Variants in CCDC85A observed in about 807,000 individuals in gnomAD.
The protein encoded by CCDC85A is coiled-coil domain containing 85A.
Under a neutral mutation model 50.2 loss-of-function variants are expected in CCDC85A, and 38 were observed. The ratio of observed to expected loss-of-function variants is 0.76; its 90% confidence interval spans 0.58 to 0.99. CCDC85A has a LOEUF of 0.99. CCDC85A is among the 50% of genes least tolerant of loss of function. The probability of loss-of-function intolerance (pLI) is 0.00; values close to 1 mark genes in which losing one functional copy is unlikely to be tolerated. For missense variants in CCDC85A, 820 were observed against 742.0 expected (o/e 1.11, Z -1.22); for synonymous variants, 366 against 301.4 (o/e 1.21, Z -2.22).
Position 56,199,795 on chromosome 2 carries a change from A to C in CCDC85A, c.1240+6355A>C, listed in dbSNP as rs143141219. On this transcript the variant is annotated intron_variant, in intron 2 of 5. Transcript: ENST00000407595. Reference sequence around the variant, plus strand: ...AATAACCATGAGGTGTCCTTCTAAGAGTAAACTGCATGAGCTTCAGTGCAT... The same window carrying C: ...AATAACCATGAGGTGTCCTTCTAAGCGTAAACTGCATGAGCTTCAGTGCAT... Among the ~76,000 whole-genome samples, 9 of 152,368 alleles carry C rather than the reference A, an allele frequency of 5.9e-5. No individual in the cohort carries two copies. The East Asian group carries it at 1.7e-3, about 29-fold the overall frequency.
At chr2:56,306,738 A>G (rs781378123) in intron 2 of CCDC85A, among the ~76,000 whole-genome samples, 2 of 152,172 alleles carry the variant, frequency 1.3e-5, no homozygotes, top group Non-Finnish European at 2.9e-5. Flanking sequence ...TGGCTGGGCA[A>G]TAGCTGTTTG....
At chr2:56,270,759 G>A in intron 2 of CCDC85A, among the ~76,000 whole-genome samples, 1 of 152,202 alleles carries the variant, frequency 6.6e-6, no homozygotes, top group East Asian at 1.9e-4. Context: ...CCAGAAATCA[G>A]CAATAAAGAC....
chr2:56,189,698 G>A (rs901211409), intron 1 of CCDC85A, among the ~76,000 whole-genome samples: 6 of 152,132 alleles, frequency 3.9e-5, no homozygotes, highest in African/African-American at 1.4e-4. Context: ...TCCAGGTACT[G>A]AGCATAGTAT....
chr2:56,383,580 C>G (rs1676691993), intron 5 of CCDC85A: 2 of 984,854 alleles, frequency 2.0e-6, no homozygotes, highest in Non-Finnish European at 2.4e-6. Context: ...TGAATTTATT[C>G]TTATCATCTG....
At chr2:56,243,349 G>A (rs148074809) in intron 2 of CCDC85A, among the ~76,000 whole-genome samples, 3 of 151,688 alleles carry the variant, frequency 2.0e-5, no homozygotes, top group African/African-American at 4.8e-5. Context: ...TCTCTTCCGT[G>A]TGTTTTCAAA....
intron 2 of CCDC85A, among the ~76,000 whole-genome samples, chr2:56,311,573 T>TC (rs1672693531): frequency 6.6e-6 from 1 of 151,998 alleles, no homozygotes; most frequent in African/African-American, 2.4e-5. Flanking sequence ...ACCCATTAAC[T>TC]CATCATTTAG....
rs1676115743 is a variant in CCDC85A, at chr2:56,372,345, C to CGGGA, written c.1319_1320insGGGA (p.Ser441GlyfsTer5). The stretch of plus-strand genomic sequence containing the variant: ...GTACCATATTGTTCCAAATATAAGG[C>CGGGA]CAGCCAGAATAGAAGGCAACCTCCA... On this transcript the variant is annotated frameshift_variant and splice_region_variant, in exon 4 of 6. Coordinates refer to ENST00000407595, the MANE Select transcript of CCDC85A (RefSeq NM_001080433.2). LOFTEE classifies it high-confidence loss of function. 6.4e-7 allele frequency: 1 copy of CGGGA among 1,570,752 alleles called. No homozygotes were observed. The highest frequency in any genetic ancestry group is 8.6e-7 in the Non-Finnish European group (1 of 1,157,650).
chr2:56,299,842 C>G (rs1359320903), intron 2 of CCDC85A, among the ~76,000 whole-genome samples: 1 of 152,168 alleles, frequency 6.6e-6, no homozygotes, highest in Non-Finnish European at 1.5e-5. Flanking sequence ...CCCCTCCATT[C>G]ATTTCTTTTT....
chr2:56,323,140 G>A lies in CCDC85A; in HGVS notation c.1241-19739G>A, dbSNP rs183213318. Among the ~76,000 whole-genome samples the A allele has an allele frequency of 1.6e-4, 25 of 152,222 alleles. No homozygotes were observed. The East Asian group carries it at 3.7e-3, about 22-fold the overall frequency. The stretch of plus-strand genomic sequence containing the variant: ...TGGGGAACATCACACACCAGGGCCT[G>A]TTGTGGGGTGGGTGAAGCGGGGAGG... On this transcript the variant is annotated intron_variant, in intron 2 of 5. Coordinates refer to ENST00000407595, the MANE Select transcript of CCDC85A (RefSeq NM_001080433.2).
chr2:56,368,105 G>A lies in CCDC85A; in HGVS notation c.1318-4239G>A, dbSNP rs934309196. 2.0e-5 allele frequency among the ~76,000 whole-genome samples: 3 copies of A among 152,172 alleles called. No homozygotes were observed. The East Asian group carries it at 5.8e-4, about 29-fold the overall frequency. On this transcript the variant is annotated intron_variant, in intron 3 of 5. Transcript: ENST00000407595. ...AATAGGTATCTATATGGCATTGCAT[G>A]CAATATCACGTCTGATAGTTACTAA... is the stretch of plus-strand genomic sequence containing the variant.
chr2:56,341,144 G>A (rs1214810162), intron 2 of CCDC85A, among the ~76,000 whole-genome samples: 7 of 152,124 alleles, frequency 4.6e-5, no homozygotes, highest in African/African-American at 1.4e-4. Flanking sequence ...ATGTATGCAC[G>A]CTCACTTGAG....
At chr2:56,348,117 T>A (rs1674720429) in intron 3 of CCDC85A, among the ~76,000 whole-genome samples, 1 of 152,230 alleles carries the variant, frequency 6.6e-6, no homozygotes, top group African/African-American at 2.4e-5. Flanking sequence ...ACTAGAGACA[T>A]GAACAAGCAG....
intron 5 of CCDC85A, among the ~76,000 whole-genome samples, chr2:56,376,353 A>C (rs1456894952): frequency 1.3e-5 from 2 of 152,202 alleles, no homozygotes; most frequent in Non-Finnish European, 2.9e-5. Context: ...ATTGAAGTAC[A>C]TTATGCAACT....
At chr2:56,317,863 T>C (rs1357318675) in intron 2 of CCDC85A, among the ~76,000 whole-genome samples, 1 of 152,026 alleles carries the variant, frequency 6.6e-6, no homozygotes, top group African/African-American at 2.4e-5. Flanking sequence ...ATGTATGAAG[T>C]TGGGGGATTA....
At chr2:56,303,220 T>C (rs1206660674) in intron 2 of CCDC85A, among the ~76,000 whole-genome samples, 1 of 152,198 alleles carries the variant, frequency 6.6e-6, no homozygotes, top group Admixed American at 6.6e-5. Context: ...CCTGGGGTTA[T>C]GTCTCTTTCC....
At chr2:56,234,728 T>C (rs182578813) in intron 2 of CCDC85A, among the ~76,000 whole-genome samples, 19 of 152,244 alleles carry the variant, frequency 1.2e-4, no homozygotes, top group African/African-American at 4.6e-4. Context: ...ATATTCAGAA[T>C]CGATTTAGTT....
intron 2 of CCDC85A, among the ~76,000 whole-genome samples, chr2:56,221,306 G>A (rs566563207): frequency 1.1e-3 from 161 of 151,820 alleles, no homozygotes; most frequent in Non-Finnish European, 2.0e-3. Context: ...TAGTAGATGT[G>A]CACTTAACCA....
chr2:56,266,724 A>G (rs1022815569), intron 2 of CCDC85A, among the ~76,000 whole-genome samples: 2 of 151,766 alleles, frequency 1.3e-5, no homozygotes, highest in African/African-American at 2.4e-5. Flanking sequence ...CAGCTTCCGG[A>G]TTACTGTTGT....
chr2:56,238,145 G>A (rs1277708239), intron 2 of CCDC85A, among the ~76,000 whole-genome samples: 1 of 152,172 alleles, frequency 6.6e-6, no homozygotes, highest in African/African-American at 2.4e-5. Context: ...AAAGTGTGCA[G>A]TGGCTCACAC....
Sources: allele counts gnomAD v4.1 joint callset (sites outside exome capture counted in the v4.1 genomes callset), GRCh38; gene constraint gnomAD v4.1.1; transcripts MANE v1.5; gene names NCBI Gene and HGNC (gene_info 2026-07-23, HGNC 2026-07-21).